DYSF: variants seen among roughly 807,000 people sequenced by gnomAD.
DYSF encodes the protein dystrophy-associated fer-1-like 1.
DYSF carries 212 observed loss-of-function variants against 274.9 expected under a neutral mutation model. The ratio of observed to expected loss-of-function variants is 0.77; its 90% CI spans 0.69 to 0.86. The LOEUF is 0.86. DYSF is among the 40% of genes least tolerant of loss of function. The probability of loss-of-function intolerance (pLI) is 0.00; values close to 1 mark genes in which losing one functional copy is unlikely to be tolerated. For missense variants in DYSF, 2,666 were observed against 2,783.2 expected, an observed-to-expected ratio of 0.96 and a Z score of 0.95; for synonymous variants, 1,091 against 1,078.7, an observed-to-expected ratio of 1.01 and a Z score of -0.22.
chr2:71,608,226 TAG>T (rs1053261065), intron 36 of DYSF, among the ~76,000 whole-genome samples: 2 of 151,554 alleles, frequency 1.3e-5, no homozygotes, highest in African/African-American at 4.8e-5. Flanking sequence ...GAGACAGGAT[TAG>T]AGAGAGGAGA....
chr2:71,575,736 G>C lies in DYSF; in HGVS notation c.3402+1365G>C, dbSNP rs150383615. ...AAAGCACCCTGTGTAATCAGGATCT[G>C]TTTTCATCAGCCAGAGCTCTACTCA... is the stretch of plus-strand genomic sequence containing the variant. On this transcript the variant is annotated intron_variant, in intron 30 of 55. Transcript: ENST00000410020. Among the ~76,000 whole-genome samples, 381 of 152,302 alleles carry C rather than the reference G, an allele frequency of 2.5e-3. 5 individuals carry two copies. The highest frequency in any genetic ancestry group is 0.016 in the East Asian group (83 of 5,178).
intron 29 of DYSF, among the ~76,000 whole-genome samples, chr2:71,573,822 C>CT (rs1046957943): frequency 2.0e-5 from 3 of 152,000 alleles, no homozygotes; most frequent in African/African-American, 4.8e-5. Flanking sequence ...TTTCTTTTTT[C>CT]TTTTTTTCTT....
intron 3 of DYSF, among the ~76,000 whole-genome samples, chr2:71,499,913 A>C (rs544877762): frequency 2.6e-5 from 4 of 151,918 alleles, no homozygotes; most frequent in African/African-American, 9.7e-5. Context: ...CTCTGCACAC[A>C]CTCATAGCTG....
intron 3 of DYSF, among the ~76,000 whole-genome samples, chr2:71,490,337 C>T (rs80106877): frequency 0.051 from 7,697 of 152,168 alleles, 471 homozygotes; most frequent in African/African-American, 0.15. Context: ...CGATTTGGTG[C>T]GTATCTTTCT....
At chr2:71,475,766 A>C (rs1460570067) in intron 1 of DYSF, among the ~76,000 whole-genome samples, 2 of 152,122 alleles carry the variant, frequency 1.3e-5, no homozygotes, top group African/African-American at 4.8e-5. Flanking sequence ...TGAATTTCCT[A>C]AGAGATTATT....
At chr2:71,650,775 A>G (rs1484883496) in intron 42 of DYSF, among the ~76,000 whole-genome samples, 1 of 152,196 alleles carries the variant, frequency 6.6e-6, no homozygotes, top group African/African-American at 2.4e-5. Context: ...CTATTTTAAC[A>G]ATTCTTGGGT....
In DYSF at chr2:71,503,402, C is replaced by A. The variant is rs922243386; in HGVS notation, c.345+83C>A. 2.2e-6 allele frequency: 3 copies of A among 1,387,222 alleles called. No individual in the cohort carries two copies. The African/African-American group carries it at 4.3e-5, about 20-fold the overall frequency. The allele number at this position is 1,387,222 out of a possible 1,614,324, so 85.9% of individuals were successfully genotyped here. On this transcript the variant is annotated intron_variant, in intron 4 of 55. Coordinates refer to ENST00000410020, the MANE Select transcript of DYSF (RefSeq NM_001130987.2). ...TCTTTGGGCCTTGCCATTCTGACCC[C>A]AGACATGCATCTGACTTCAGCTCCC...
chr2:71,469,087 A>C (rs1441190544), intron 1 of DYSF, among the ~76,000 whole-genome samples: 1 of 152,198 alleles, frequency 6.6e-6, no homozygotes, highest in Non-Finnish European at 1.5e-5. Context: ...AAGGTGACCT[A>C]AGAATCAGCA....
intron 35 of DYSF, 59 bp downstream of exon 35, chr2:71,601,587 C>G (rs2093552161): frequency 6.2e-7 from 1 of 1,609,506 alleles, no homozygotes; most frequent in African/African-American, 1.3e-5. Context: ...CTGTGTTTGG[C>G]ATCTCTCTGG....
chr2:71,486,466 C>T (rs1241071391), intron 3 of DYSF, among the ~76,000 whole-genome samples: 1 of 152,120 alleles, frequency 6.6e-6, no homozygotes, highest in Non-Finnish European at 1.5e-5. Flanking sequence ...CCTCACCATC[C>T]TCACCGCCAC....
intron 34 of DYSF, 67 bp downstream of exon 34, chr2:71,600,909 G>A: frequency 6.3e-7 from 1 of 1,596,874 alleles, no homozygotes; most frequent in Non-Finnish European, 8.5e-7. Context: ...AACCCTCTGT[G>A]GGAGCCTGGA....
chr2:71,604,645 C>T (rs2093614988), intron 36 of DYSF, among the ~76,000 whole-genome samples: 1 of 152,102 alleles, frequency 6.6e-6, no homozygotes, highest in African/African-American at 2.4e-5. Flanking sequence ...TGGAGACAGG[C>T]CAGTAGGAAC....
chr2:71,552,797 G>A (rs1212334779), intron 19 of DYSF, among the ~76,000 whole-genome samples: 1 of 152,242 alleles, frequency 6.6e-6, no homozygotes, highest in South Asian at 2.1e-4. Context: ...TTAGGGAAAC[G>A]TGGCCAGACA....
intron 32 of DYSF, among the ~76,000 whole-genome samples, chr2:71,591,551 A>G (rs1236852812): frequency 6.6e-6 from 1 of 152,268 alleles, no homozygotes; most frequent in Non-Finnish European, 1.5e-5. Context: ...GGTGGTCAAC[A>G]TCCCCATTTT....
chr2:71,560,639 T>G (rs1476810620), intron 22 of DYSF, among the ~76,000 whole-genome samples: 1 of 152,118 alleles, frequency 6.6e-6, no homozygotes, highest in Non-Finnish European at 1.5e-5. Flanking sequence ...AAAAATGTAG[T>G]GCGCCGAGGG....
rs1044542269 is a variant in DYSF at position 71,528,368 on chromosome 2, C to A, written c.1347C>A (p.Asp449Glu). Residue 449 changes from aspartate to glutamate, a missense_variant, in exon 14 of 56, where the codon GAC becomes GAA. Physicochemically the swap from Asp to Glu is conservative, Grantham distance 45 (BLOSUM62 2). Coordinates refer to ENST00000410020, the MANE Select transcript of DYSF (RefSeq NM_001130987.2). ...GFESNKKNLV[D>E]PFVEVSFAGK... ...AGAGTAACAAGAAGAACTTGGTGGA[C>A]CCCTTTGTGGAGGTCAGCTTTGCGG... The A allele has an allele frequency of 6.2e-7, 1 of 1,614,160 alleles. No homozygotes were observed. Among genetic ancestry groups the A allele is most frequent in the Non-Finnish European group, 8.5e-7 (1 of 1,180,018 alleles).
At chr2:71,524,027 G>A (rs1559074034) in intron 12 of DYSF, among the ~76,000 whole-genome samples, 4 of 152,202 alleles carry the variant, frequency 2.6e-5, no homozygotes, top group African/African-American at 4.8e-5. Context: ...CATGGGCCCC[G>A]TCTGTGGCCA....
chr2:71,541,123 C>G (rs1276208970), intron 17 of DYSF, among the ~76,000 whole-genome samples: 4 of 152,092 alleles, frequency 2.6e-5, no homozygotes, highest in Non-Finnish European at 5.9e-5. Flanking sequence ...GTTTTGATAT[C>G]TGGGTTATGC....
At chr2:71,469,766 C>A (rs972774959) in intron 1 of DYSF, among the ~76,000 whole-genome samples, 1 of 152,146 alleles carries the variant, frequency 6.6e-6, no homozygotes, top group Non-Finnish European at 1.5e-5. Flanking sequence ...TTAATTAATT[C>A]ATTAACTAAA....
Sources: allele counts gnomAD v4.1 joint callset (sites outside exome capture counted in the v4.1 genomes callset), GRCh38; gene constraint gnomAD v4.1.1; transcripts MANE v1.5; gene names NCBI Gene and HGNC (gene_info 2026-07-23, HGNC 2026-07-21).